The following ARHGAP40 variants were observed in gnomAD, a reference collection of about 807,000 sequenced individuals.
ARHGAP40 encodes rho GTPase-activating protein 40.
ARHGAP40 carries 43 observed loss-of-function variants against 73.5 expected under a neutral mutation model. The observed-to-expected ratio is 0.58, with a 90% CI of 0.46 to 0.75. ARHGAP40 has a LOEUF of 0.75. Ranked by LOEUF, ARHGAP40 falls within the 30% of genes least tolerant of loss-of-function variation. The pLI, the probability that ARHGAP40 is intolerant of heterozygous loss-of-function variation, is 0.00. For missense variants in ARHGAP40, 734 were observed against 861.8 expected (o/e 0.85, Z 1.86); for synonymous variants, 300 against 352.8 (o/e 0.85, Z 1.68).
chr20:38,634,171 G>T (rs1292969359), intron 5 of ARHGAP40, among the ~76,000 whole-genome samples: 1 of 152,082 alleles, frequency 6.6e-6, no homozygotes, highest in Admixed American at 6.5e-5. Context: ...GGGCAACATA[G>T]AGAAACCCTG....
chr20:38,634,111 G>T (rs894777414), intron 5 of ARHGAP40, among the ~76,000 whole-genome samples: 2 of 152,144 alleles, frequency 1.3e-5, no homozygotes, highest in African/African-American at 4.8e-5. Context: ...CAGCACTTTG[G>T]GAGGCTGAGG....
At chr20:38,604,616 G>A (rs756459285) in intron 1 of ARHGAP40, among the ~76,000 whole-genome samples, 4 of 152,092 alleles carry the variant, frequency 2.6e-5, no homozygotes, top group South Asian at 4.2e-4. Flanking sequence ...GGCTGGTCTC[G>A]AACTCCTGAG....
At chr20:38,643,483 G>C (rs1393695440) in intron 10 of ARHGAP40, among the ~76,000 whole-genome samples, 5 of 152,208 alleles carry the variant, frequency 3.3e-5, no homozygotes, top group Non-Finnish European at 7.3e-5. Flanking sequence ...GGGAGCAGGG[G>C]AGGGAAAGAG....
At chr20:38,645,794 G>GGGAC (rs1456806588) in intron 11 of ARHGAP40, among the ~76,000 whole-genome samples, 1 of 152,136 alleles carries the variant, frequency 6.6e-6, no homozygotes, top group African/African-American at 2.4e-5. Context: ...TTCTGTCGAG[G>GGGAC]GGACCACTAT....
intron 1 of ARHGAP40, among the ~76,000 whole-genome samples, chr20:38,618,076 T>G (rs1382973782): frequency 6.6e-6 from 1 of 151,574 alleles, no homozygotes; most frequent in East Asian, 1.9e-4. Flanking sequence ...CAGACCCAGT[T>G]GACACTAGAG....
At chr20:38,618,059 T>C (rs1317619580) in intron 1 of ARHGAP40, among the ~76,000 whole-genome samples, 1 of 151,972 alleles carries the variant, frequency 6.6e-6, no homozygotes, top group African/African-American at 2.4e-5. Flanking sequence ...AATCTAGGAT[T>C]CAAATTCAGA....
intron 1 of ARHGAP40, among the ~76,000 whole-genome samples, chr20:38,619,546 A>T (rs2088863214): frequency 6.6e-6 from 1 of 150,834 alleles, no homozygotes; most frequent in African/African-American, 2.4e-5. Context: ...GAACTCTGAG[A>T]GGGGCACAGT....
At chr20:38,603,320 G>A (rs181601019) in intron 1 of ARHGAP40, among the ~76,000 whole-genome samples, 1 of 152,288 alleles carries the variant, frequency 6.6e-6, no homozygotes. Context: ...TGTGCGTGGG[G>A]CTCTGCCCCA....
chr20:38,638,987 A>G, intron 8 of ARHGAP40, 149 bp downstream of exon 8: 2 of 819,390 alleles, frequency 2.4e-6, no homozygotes, highest in Non-Finnish European at 3.5e-6. Flanking sequence ...TGAAGGTGGC[A>G]TGATGAGCAT....
chr20:38,644,656 T>A (rs1300348449), intron 11 of ARHGAP40, among the ~76,000 whole-genome samples: 4 of 84,236 alleles, frequency 4.7e-5, no homozygotes, highest in Non-Finnish European at 6.5e-5. Context: ...CCCACCCATC[T>A]ACTTACCCAC....
At position 38,621,295 on chromosome 20, in the gene ARHGAP40, T is replaced by A. The variant is rs8115841; in HGVS notation, c.138-2064T>A. Among the ~76,000 whole-genome samples, 643 of 152,340 alleles carry A rather than the reference T, an allele frequency of 4.2e-3. 3 individuals carry two copies. The highest frequency in any genetic ancestry group is 0.015 in the African/African-American group (622 of 41,568). On this transcript the variant is annotated intron_variant, in intron 1 of 14. Coordinates refer to ENST00000373345, the Ensembl canonical transcript of ARHGAP40. ...AAACCCTTTGATTCAGCAATTCTACTTCTAGGATTCTCTTCTACTGTACAA... is the reference window on the plus strand; with the variant it reads ...AAACCCTTTGATTCAGCAATTCTACATCTAGGATTCTCTTCTACTGTACAA...
At chr20:38,629,417 A>ATTTAG (rs1450949800) in intron 4 of ARHGAP40, 85 bp from the exon 5 acceptor site, 1 of 1,255,602 alleles carries the variant, frequency 8.0e-7, no homozygotes, top group Non-Finnish European at 1.0e-6. Context: ...CTTAGGACTA[A>ATTTAG]GGGCCTAAGT....
intron 1 of ARHGAP40, among the ~76,000 whole-genome samples, chr20:38,604,230 T>C (rs539946371): frequency 1.6e-4 from 24 of 152,188 alleles, no homozygotes; most frequent in Non-Finnish European, 2.8e-4. Flanking sequence ...TTTGAGGCAA[T>C]TAATATTGAA....
chr20:38,614,126 G>C (rs1044830024), intron 1 of ARHGAP40, among the ~76,000 whole-genome samples: 4 of 152,204 alleles, frequency 2.6e-5, no homozygotes, highest in African/African-American at 4.8e-5. Context: ...CTGCATGTGA[G>C]TGTTACACTC....
chr20:38,648,727 G>C (rs1277116135), intron 14 of ARHGAP40, 29 bp downstream of exon 14: 1 of 1,304,238 alleles, frequency 7.7e-7, no homozygotes, highest in Non-Finnish European at 1.0e-6. Flanking sequence ...AACAGGAACA[G>C]AGCCCGGGTC....
intron 2 of ARHGAP40, among the ~76,000 whole-genome samples, chr20:38,625,370 G>C (rs1225424336): frequency 6.6e-6 from 1 of 151,764 alleles, no homozygotes; most frequent in East Asian, 1.9e-4. Context: ...GGGATCCTGA[G>C]TGGCATGGAG....
intron 10 of ARHGAP40, among the ~76,000 whole-genome samples, 184 bp from the exon 11 acceptor site, chr20:38,643,520 C>T (rs763265740): frequency 2.4e-4 from 36 of 152,010 alleles, no homozygotes; most frequent in Non-Finnish European, 4.1e-4. Context: ...GAGCAGGAAA[C>T]GGAGACACAG....
At chr20:38,612,580 G>T (rs2088810338) in intron 1 of ARHGAP40, among the ~76,000 whole-genome samples, 1 of 152,134 alleles carries the variant, frequency 6.6e-6, no homozygotes, top group African/African-American at 2.4e-5. Context: ...TGAGGCAGAA[G>T]AATCGCTTAA....
rs531731866 is a variant in ARHGAP40 at position 38,638,035 on chromosome 20, C to T, written c.1041+236C>T. On this transcript the variant is annotated intron_variant, in intron 7 of 14. Coordinates refer to ENST00000373345, the Ensembl canonical transcript of ARHGAP40. ...TTTATAAATTTTTGTCTTGGCTGGG[C>T]GCCGTGGCTCACACCTGTAATCCCA... 1.2e-4 allele frequency among the ~76,000 whole-genome samples: 18 copies of T among 151,582 alleles called. No homozygotes were observed. The South Asian group carries it at 2.5e-3, about 21-fold the overall frequency.
Sources: allele counts gnomAD v4.1 joint callset (sites outside exome capture counted in the v4.1 genomes callset), GRCh38; gene constraint gnomAD v4.1.1; transcripts MANE v1.5; gene names NCBI Gene and HGNC (gene_info 2026-07-23, HGNC 2026-07-21).